COL14A1: variants seen among roughly 807,000 people sequenced by gnomAD.
The protein encoded by COL14A1 is collagen type XIV alpha 1 chain, also known as collagen alpha-1(XIV) chain.
COL14A1 carries 136 observed loss-of-function variants against 230.3 expected under a neutral mutation model. The observed-to-expected ratio is 0.59, with a 90% CI of 0.51 to 0.68. The LOEUF is 0.68. COL14A1 is among the 30% of genes least tolerant of loss of function. The pLI is 0.00. For missense variants in COL14A1, 1,976 were observed against 2,215.8 expected (o/e 0.89, Z 2.17); for synonymous variants, 792 against 784.1 (o/e 1.01, Z -0.17).
chr8:120,166,453 T>C (rs1471692677), intron 4 of COL14A1, among the ~76,000 whole-genome samples: 2 of 152,194 alleles, frequency 1.3e-5, no homozygotes, highest in Non-Finnish European at 1.5e-5. Flanking sequence ...TGCCTGCAAA[T>C]TCCTGCCTTT....
chr8:120,220,537 G>A (rs925475485), intron 14 of COL14A1, among the ~76,000 whole-genome samples: 6 of 152,100 alleles, frequency 3.9e-5, no homozygotes, highest in Non-Finnish European at 8.8e-5. Context: ...CTCCAAAAGT[G>A]CTGGGATTAC....
chr8:120,278,538 A>C lies in COL14A1; in HGVS notation c.3441A>C (p.Gln1147His). 3 of 1,613,112 alleles carry C rather than the reference A, an allele frequency of 1.9e-6. No individual in the cohort carries two copies. The highest frequency in any genetic ancestry group is 2.5e-6 in the Non-Finnish European group (3 of 1,179,442). ...TGGTTATAACTGATGGAAGATCACAAGATGATGTGAACAAAATCTCCAGGG... is the reference window on the plus strand; with the variant it reads ...TGGTTATAACTGATGGAAGATCACACGATGATGTGAACAAAATCTCCAGGG... ...VIVVITDGRS[Q>H]DDVNKISREM... The change falls in exon 28 of 48, where the codon CAA becomes CAC. Residue 1147 changes from glutamine to histidine, a missense_variant. Physicochemically the swap from Gln to His is conservative, Grantham distance 24. Coordinates refer to ENST00000297848, the MANE Select transcript of COL14A1 (RefSeq NM_021110.4).
intron 20 of COL14A1, among the ~76,000 whole-genome samples, chr8:120,245,532 G>A (rs1306690390): frequency 1.3e-5 from 2 of 152,206 alleles, no homozygotes; most frequent in African/African-American, 2.4e-5. Flanking sequence ...CATAAAGACT[G>A]CTCTAGAACT....
At chr8:120,211,526 G>A (rs1378513505) in intron 12 of COL14A1, among the ~76,000 whole-genome samples, 1 of 152,118 alleles carries the variant, frequency 6.6e-6, no homozygotes, top group African/African-American at 2.4e-5. Flanking sequence ...TAGGGTGGAG[G>A]TAGTGGACAG....
At chr8:120,239,087 C>T (rs1818540104) in intron 19 of COL14A1, among the ~76,000 whole-genome samples, 1 of 152,206 alleles carries the variant, frequency 6.6e-6, no homozygotes, top group Admixed American at 6.5e-5. Context: ...CAATGATACA[C>T]TCTTAATTGT....
At chr8:120,247,795 A>C in intron 21 of COL14A1, 60 bp downstream of exon 21, 1 of 1,580,494 alleles carries the variant, frequency 6.3e-7, no homozygotes, top group Non-Finnish European at 8.6e-7. Flanking sequence ...ATGTCTTTTA[A>C]GATAAATTGT....
At chr8:120,194,113 G>A (rs927633679) in intron 5 of COL14A1, among the ~76,000 whole-genome samples, 4 of 152,190 alleles carry the variant, frequency 2.6e-5, no homozygotes, top group African/African-American at 9.7e-5. Flanking sequence ...ACCTCAGATG[G>A]AAATGCAGAA....
chr8:120,298,423 C>A (rs1318913999), intron 35 of COL14A1, among the ~76,000 whole-genome samples: 1 of 150,742 alleles, frequency 6.6e-6, no homozygotes, highest in African/African-American at 2.4e-5. Context: ...TACTAGAAAA[C>A]TAAACATTTA....
At chr8:120,211,310 A>G (rs1387728504) in intron 12 of COL14A1, among the ~76,000 whole-genome samples, 1 of 152,224 alleles carries the variant, frequency 6.6e-6, no homozygotes, top group South Asian at 2.1e-4. Flanking sequence ...AAAGGAATTA[A>G]TGATGTCAAC....
intron 5 of COL14A1, among the ~76,000 whole-genome samples, chr8:120,184,179 T>C (rs1816568441): frequency 6.6e-6 from 1 of 151,792 alleles, no homozygotes; most frequent in Non-Finnish European, 1.5e-5. Flanking sequence ...AAAGTGTGTG[T>C]GTATGTGTGA....
intron 3 of COL14A1, among the ~76,000 whole-genome samples, chr8:120,161,629 T>G (rs1189288828): frequency 1.3e-5 from 2 of 152,294 alleles, no homozygotes; most frequent in South Asian, 2.1e-4. Context: ...AAAATTCCAG[T>G]GTAAATAATT....
intron 45 of COL14A1, among the ~76,000 whole-genome samples, chr8:120,356,330 G>A (rs1822983696): frequency 6.6e-6 from 1 of 152,252 alleles, no homozygotes; most frequent in Admixed American, 6.5e-5. Context: ...AGGTCACACA[G>A]TGGAACAATA....
At chr8:120,300,643 A>G in intron 35 of COL14A1, 89 bp from the exon 36 acceptor site, 6 of 962,718 alleles carry the variant, frequency 6.2e-6, no homozygotes, top group Non-Finnish European at 9.7e-6. Flanking sequence ...ATCTAAAAAT[A>G]TCTTAAATCA....
chr8:120,346,247 G>C (rs1822505774), intron 45 of COL14A1, among the ~76,000 whole-genome samples: 1 of 152,158 alleles, frequency 6.6e-6, no homozygotes, highest in Non-Finnish European at 1.5e-5. Context: ...ACAGGTCTTA[G>C]AAGTATGGTG....
chr8:120,263,389 C>T (rs1819401923), intron 24 of COL14A1, among the ~76,000 whole-genome samples: 2 of 152,124 alleles, frequency 1.3e-5, no homozygotes, highest in Admixed American at 6.6e-5. Flanking sequence ...ATTACCACAG[C>T]CATGAGGATG....
intron 5 of COL14A1, among the ~76,000 whole-genome samples, chr8:120,192,619 T>C (rs1457514151): frequency 6.6e-6 from 1 of 152,232 alleles, no homozygotes; most frequent in African/African-American, 2.4e-5. Flanking sequence ...GAAGTTCTCC[T>C]GGATAATATC....
intron 36 of COL14A1, among the ~76,000 whole-genome samples, chr8:120,301,390 T>C (rs62527054): frequency 0.13 from 19,976 of 152,044 alleles, 1,439 homozygotes; most frequent in Non-Finnish European, 0.16. Context: ...GTGTCTGTTG[T>C]TCCCTTCCTT....
intron 34 of COL14A1, among the ~76,000 whole-genome samples, chr8:120,296,323 A>C (rs1820531001): frequency 6.6e-6 from 1 of 152,118 alleles, no homozygotes; most frequent in East Asian, 1.9e-4. Flanking sequence ...GAATGTTTGC[A>C]ATAAGGCATA....
At chr8:120,360,779 A>G (rs1474844319) in intron 45 of COL14A1, among the ~76,000 whole-genome samples, 3 of 152,102 alleles carry the variant, frequency 2.0e-5, no homozygotes, top group Non-Finnish European at 4.4e-5. Flanking sequence ...CCAGTGGCTG[A>G]TGTTGGGACT....
Sources: allele counts gnomAD v4.1 joint callset (sites outside exome capture counted in the v4.1 genomes callset), GRCh38; gene constraint gnomAD v4.1.1; transcripts MANE v1.5; gene names NCBI Gene and HGNC (gene_info 2026-07-23, HGNC 2026-07-21).